FBLN7: variants seen among roughly 807,000 people sequenced by gnomAD.
The protein encoded by FBLN7 is fibulin-7.
FBLN7 carries 31 observed loss-of-function variants against 44.0 expected under a neutral mutation model. The observed-to-expected ratio is 0.70, with a 90% CI of 0.53 to 0.95. FBLN7 has a LOEUF of 0.95. Ranked by LOEUF, FBLN7 falls within the 40% of genes least tolerant of loss-of-function variation. FBLN7 has a pLI of 0.00. For missense variants in FBLN7, 573 were observed against 618.5 expected, an observed-to-expected ratio of 0.93 and a Z score of 0.78; for synonymous variants, 262 against 253.4, an observed-to-expected ratio of 1.03 and a Z score of -0.32.
the FBLN7 span, among the ~76,000 whole-genome samples, chr2:112,205,222 T>C: frequency 6.6e-6 from 1 of 152,064 alleles, no homozygotes; most frequent in Non-Finnish European, 1.5e-5. Flanking sequence ...ATTAAAATAA[T>C]AGACTAGAAA....
At chr2:112,141,903 C>G (rs1680667256) in intron 1 of FBLN7, among the ~76,000 whole-genome samples, 1 of 152,190 alleles carries the variant, frequency 6.6e-6, no homozygotes, top group African/African-American at 2.4e-5. Flanking sequence ...GACTCTGTAC[C>G]CGGAACTTCT....
At chr2:112,171,711 C>T (rs1005479709) in intron 3 of FBLN7, among the ~76,000 whole-genome samples, 2 of 152,172 alleles carry the variant, frequency 1.3e-5, no homozygotes, top group Non-Finnish European at 2.9e-5. Flanking sequence ...TAGATATTAA[C>T]GTGAGCAATT....
the FBLN7 span, chr2:112,213,275 A>G: frequency 6.6e-6 from 1 of 152,060 alleles, no homozygotes; most frequent in African/African-American, 2.4e-5. Flanking sequence ...CGGCCTGAAG[A>G]AATCCTTGCA....
intron 1 of FBLN7, among the ~76,000 whole-genome samples, chr2:112,142,277 T>G (rs534135971): frequency 6.9e-4 from 105 of 152,280 alleles, no homozygotes; most frequent in African/African-American, 2.4e-3. Context: ...CTCTCTCTAC[T>G]CTAAACAAGT....
chr2:112,215,883 G>C, the FBLN7 span: 1 of 152,124 alleles, frequency 6.6e-6, no homozygotes, highest in African/African-American at 2.4e-5. Flanking sequence ...TATAGTAAGA[G>C]ATATTGTTTC....
the FBLN7 span, among the ~76,000 whole-genome samples, chr2:112,226,395 T>A: frequency 6.6e-6 from 1 of 151,910 alleles, no homozygotes. Context: ...AAGACCATCC[T>A]GGCTAACACG....
the FBLN7 span, among the ~76,000 whole-genome samples, chr2:112,217,139 C>T: frequency 1.3e-5 from 2 of 152,074 alleles, no homozygotes; most frequent in African/African-American, 4.8e-5. Flanking sequence ...GAGACCAAGG[C>T]GGGTGGATCA....
chr2:112,151,758 G>C (rs1191551017), intron 1 of FBLN7: 1 of 152,220 alleles, frequency 6.6e-6, no homozygotes, highest in Non-Finnish European at 1.5e-5. Flanking sequence ...TACCCGGCTT[G>C]TGTACCTAGG....
the FBLN7 span, among the ~76,000 whole-genome samples, chr2:112,224,164 ATAATAT>A: frequency 6.6e-5 from 10 of 152,334 alleles, no homozygotes; most frequent in East Asian, 1.2e-3. Flanking sequence ...ATATTTTGAC[ATAATAT>A]TAATGATATT....
At chr2:112,227,725 T>C in the FBLN7 span, among the ~76,000 whole-genome samples, 2 of 152,140 alleles carry the variant, frequency 1.3e-5, no homozygotes, top group Admixed American at 6.5e-5. Context: ...TTCCATTCAA[T>C]AGCATCAAAC....
At chr2:112,162,318 CTTT>C (rs557275122) in intron 2 of FBLN7, among the ~76,000 whole-genome samples, 9 of 138,294 alleles carry the variant, frequency 6.5e-5, no homozygotes, top group Non-Finnish European at 1.3e-4. Flanking sequence ...CCTGTTTTGC[CTTT>C]TTTTTTTTTT....
chr2:112,179,974 C>A (rs1682904669), intron 4 of FBLN7, among the ~76,000 whole-genome samples: 1 of 152,126 alleles, frequency 6.6e-6, no homozygotes, highest in African/African-American at 2.4e-5. Flanking sequence ...ACAACAAAAG[C>A]AAAAATTGAC....
chr2:112,159,329 G>T (rs1482781085), intron 1 of FBLN7, among the ~76,000 whole-genome samples: 1 of 152,022 alleles, frequency 6.6e-6, no homozygotes, highest in Non-Finnish European at 1.5e-5. Context: ...GAAAATGTTT[G>T]CCAAGGCCCA....
Position 112,165,053 on chromosome 2 carries a change from G to A in FBLN7, c.288G>A (p.Lys96=), listed in dbSNP as rs1379556155. 6.2e-7 allele frequency: 1 copy of A among 1,614,192 alleles called. No individual in the cohort carries two copies. Reference sequence around the variant, plus strand: ...CAGACGGCAGAAAGTTTGGAAGCAAGTACTTAGTGGATCACGAAGTCCATT... The same window carrying A: ...CAGACGGCAGAAAGTTTGGAAGCAAATACTTAGTGGATCACGAAGTCCATT... The part of the protein sequence containing the change: ...TPADGRKFGS[K]YLVDHEVHFT... The change falls in exon 3 of 8, where the codon AAG becomes AAA. Residue 96 remains lysine (K), a synonymous_variant. Transcript: ENST00000331203.
At chr2:112,165,535 C>T (rs1048876649) in intron 3 of FBLN7, among the ~76,000 whole-genome samples, 16 of 152,214 alleles carry the variant, frequency 1.1e-4, no homozygotes, top group African/African-American at 3.6e-4. Flanking sequence ...ACACCACTCT[C>T]TGCTCTGGAC....
At chr2:112,223,741 T>C in the FBLN7 span, among the ~76,000 whole-genome samples, 1 of 152,096 alleles carries the variant, frequency 6.6e-6, no homozygotes, top group Non-Finnish European at 1.5e-5. Context: ...AGAAAATTAG[T>C]ATAAAATAGA....
intron 1 of FBLN7, among the ~76,000 whole-genome samples, chr2:112,143,442 T>C (rs7607362): frequency 0.47 from 71,643 of 152,040 alleles, 17,170 homozygotes; most frequent in Middle Eastern, 0.64. Flanking sequence ...TGATCAGATG[T>C]CACAGGTCTC....
intron 1 of FBLN7, among the ~76,000 whole-genome samples, chr2:112,150,316 C>T (rs776480903): frequency 3.9e-5 from 6 of 151,908 alleles, no homozygotes; most frequent in East Asian, 1.9e-4. Flanking sequence ...AGATGACTCC[C>T]GGGCTGATTT....
At chr2:112,184,245 T>C (rs115189342) in intron 6 of FBLN7, among the ~76,000 whole-genome samples, 3,617 of 152,290 alleles carry the variant, frequency 0.024, 138 homozygotes, top group African/African-American at 0.082. Flanking sequence ...TGGCTCCAGA[T>C]AACAGCTCTG....
Sources: allele counts gnomAD v4.1 joint callset (sites outside exome capture counted in the v4.1 genomes callset), GRCh38; gene constraint gnomAD v4.1.1; transcripts MANE v1.5; gene names NCBI Gene and HGNC (gene_info 2026-07-23, HGNC 2026-07-21).